Variants in EIF5 observed in about 807,000 individuals in gnomAD.
EIF5 encodes eukaryotic translation initiation factor 5.
In EIF5, 10 loss-of-function variants were observed where a neutral mutation model predicts 48.3. The observed-to-expected ratio is 0.21, with a 90% CI of 0.13 to 0.35. The LOEUF is 0.35. Among genes scored for constraint, EIF5 ranks in the 10% least tolerant of loss-of-function variants. The probability of loss-of-function intolerance (pLI) is 1.00; values close to 1 mark genes in which losing one functional copy is unlikely to be tolerated. For missense variants in EIF5, 397 were observed against 533.2 expected (o/e 0.74, Z 2.51); for synonymous variants, 237 against 173.1 (o/e 1.37, Z -2.90).
rs2089357429 is a variant in EIF5, at chr14:103,341,922, AT to A, written c.*871del. 6.5e-6 allele frequency: 1 copy of A among 152,678 alleles called. No individual in the cohort carries two copies. The highest frequency in any genetic ancestry group is 1.5e-5 in the Non-Finnish European group (1 of 68,044). The allele number at this position is 152,678 out of a possible 1,614,324, so 9.5% of individuals were successfully genotyped here. On this transcript the variant is annotated 3_prime_UTR_variant, in exon 12 of 12. Transcript: ENST00000216554. ...GGTGCACTTAACTAGCAACCTAAGC[AT>A]GATTTTTCAGCTTTTGCCCTTAGGG... is the stretch of plus-strand genomic sequence containing the variant.
rs2089278721 is a variant in EIF5, at chr14:103,335,869, C to T, written c.9C>T (p.Val3=). 4 of 1,614,054 alleles carry T rather than the reference C, an allele frequency of 2.5e-6. No homozygotes were observed. Among genetic ancestry groups the T allele is most frequent in the African/African-American group, 1.3e-5 (1 of 74,916 alleles). The change falls in exon 3 of 12, where the codon GTC becomes GTT. Residue 3 remains valine, a synonymous_variant. Coordinates refer to ENST00000216554, the MANE Select transcript of EIF5 (RefSeq NM_001969.5). ...GCCACTAATAAGCCAAAATGTCTGT[C>T]AATGTCAACCGCAGCGTGTCAGACC... MS[V]NVNRSVSDQF...
At chr14:103,336,011 C>T (rs780569455) in intron 3 of EIF5, 25 bp from the exon 4 acceptor site, 6 of 1,613,866 alleles carry the variant, frequency 3.7e-6, no homozygotes, top group Admixed American at 1.7e-5. Context: ...GGAAACTGCA[C>T]AACTAAAATT....
chr14:103,339,384 C>A, intron 9 of EIF5, 51 bp downstream of exon 9: 1 of 1,550,078 alleles, frequency 6.5e-7, no homozygotes. Context: ...GTGTGGCTTT[C>A]GAGATGGTCA....
At chr14:103,340,605 G>A (rs753725569) in intron 11 of EIF5, 44 bp downstream of exon 11, 2 of 1,573,354 alleles carry the variant, frequency 1.3e-6, no homozygotes, top group Admixed American at 1.8e-5. Flanking sequence ...TGCTGGCATG[G>A]GTGTTTGAGA....
In EIF5 at chr14:103,344,238, A is replaced by T. The variant is rs1366637049; in HGVS notation, c.*3186A>T. ...AATAGGTTGGGAGCTCAGGGTGTTTATGTCCACCTGTCTGGTCTAGCCAAA... is the reference window on the plus strand; with the variant it reads ...AATAGGTTGGGAGCTCAGGGTGTTTTTGTCCACCTGTCTGGTCTAGCCAAA... On this transcript the variant is annotated 3_prime_UTR_variant, in exon 12 of 12. Transcript: ENST00000216554. The T allele has an allele frequency of 1.3e-5, 2 of 152,160 alleles. No individual in the cohort carries two copies. The allele number at this position is 152,160 out of a possible 1,614,324, so 9.4% of individuals were successfully genotyped here.
rs2089298700 is a variant in EIF5, at chr14:103,337,321, G to C, written c.439+94G>C. Reference sequence around the variant, plus strand: ...GTTTTTTTGTAATAGGAATGTAAGGGAGACTGGGCACGGTGGCTCATGCTT... The same window carrying C: ...GTTTTTTTGTAATAGGAATGTAAGGCAGACTGGGCACGGTGGCTCATGCTT... On this transcript the variant is annotated intron_variant, in intron 6 of 11. Coordinates refer to ENST00000216554, the MANE Select transcript of EIF5 (RefSeq NM_001969.5). 5.5e-6 allele frequency: 6 copies of C among 1,086,350 alleles called. No individual in the cohort carries two copies. The East Asian group carries it at 1.5e-4, about 28-fold the overall frequency. 67.3% of individuals were successfully genotyped at this position (1,086,350 alleles called of 1,614,324 possible). A position where few individuals can be genotyped will look rare whatever the true frequency, so the allele number is the denominator to read the frequency against.
At position 103,336,821 on chromosome 14, in the gene EIF5, C is replaced by G; in HGVS notation, c.299C>G (p.Pro100Arg). The G allele has an allele frequency of 1.9e-6, 3 of 1,613,502 alleles. No individual in the cohort carries two copies. Among genetic ancestry groups the G allele is most frequent in the Non-Finnish European group, 2.5e-6 (3 of 1,179,864 alleles). The part of the protein sequence containing the change: ...DGFIKKFVLC[P>R]ECENPETDLH... ...TTCATTAAAAAATTTGTTCTCTGTCCTGAATGTGAGAATCCTGAAACAGAT... is the reference window on the plus strand; with the variant it reads ...TTCATTAAAAAATTTGTTCTCTGTCGTGAATGTGAGAATCCTGAAACAGAT... The change falls in exon 5 of 12, where the codon CCT (proline) becomes CGT (arginine). Residue 100 changes from proline to arginine, a missense_variant. Physicochemically the swap from Pro to Arg is moderately radical, Grantham distance 103. Around this residue, in one of 4 missense-constraint regions of EIF5, gnomAD observed 108 missense variants for 188.3 expected, o/e 0.57. Transcript: ENST00000216554.
At chr14:103,338,259 C>G in intron 6 of EIF5, 68 bp from the exon 7 acceptor site, 1 of 1,571,224 alleles carries the variant, frequency 6.4e-7, no homozygotes, top group Non-Finnish European at 8.6e-7. Flanking sequence ...GGGTTTTAAA[C>G]GTTAATGATG....
rs1208945278 is a variant in EIF5 at position 103,344,989 on chromosome 14, A to G, written c.*3937A>G. Reference sequence around the variant, plus strand: ...TGTAGCTCTTTGAATCTCAGAAAAAAGTAGATTTTAATAAAGTGTGAAAGT... The same window carrying G: ...TGTAGCTCTTTGAATCTCAGAAAAAGGTAGATTTTAATAAAGTGTGAAAGT... On this transcript the variant is annotated 3_prime_UTR_variant, in exon 12 of 12. Coordinates refer to ENST00000216554, the MANE Select transcript of EIF5 (RefSeq NM_001969.5). 6.6e-6 allele frequency: 1 copy of G among 152,214 alleles called. No homozygotes were observed. The allele number at this position is 152,214 out of a possible 1,614,324, so 9.4% of individuals were successfully genotyped here. A position where few individuals can be genotyped will look rare whatever the true frequency, so the allele number is the denominator to read the frequency against.
intron 5 of EIF5, 109 bp from the exon 6 acceptor site, chr14:103,337,007 C>A: frequency 7.4e-7 from 1 of 1,345,898 alleles, no homozygotes; most frequent in Non-Finnish European, 1.0e-6. Context: ...AAGTAGGTCA[C>A]TGTGTGAAAA....
At position 103,334,275 on chromosome 14, in the gene EIF5, G is replaced by A. The variant is rs898761952; in HGVS notation, c.-418+15G>A. The A allele has an allele frequency of 9.8e-5, 15 of 152,338 alleles. No homozygotes were observed. Among genetic ancestry groups the A allele is most frequent in the Admixed American group, 2.6e-4 (4 of 15,292 alleles). The allele number at this position is 152,338 out of a possible 1,614,324, so 9.4% of individuals were successfully genotyped here. On this transcript the variant is annotated intron_variant, in intron 1 of 11. Transcript: ENST00000216554. Reference sequence around the variant, plus strand: ...ACATTCCAGAGGTGAGTCCGGTGAAGGGGCGGCCCCCTGCCCGGTGCTTCC... The same window carrying A: ...ACATTCCAGAGGTGAGTCCGGTGAAAGGGCGGCCCCCTGCCCGGTGCTTCC...
intron 9 of EIF5, 50 bp from the exon 10 acceptor site, chr14:103,339,588 CA>C (rs1566722704): frequency 6.2e-7 from 1 of 1,610,532 alleles, no homozygotes; most frequent in South Asian, 1.1e-5. Flanking sequence ...ATAGAGTTGT[CA>C]ACTTAGAACA....
chr14:103,339,300 A>G lies in EIF5; in HGVS notation c.873A>G (p.Glu291=). The change falls in exon 9 of 12, where the codon GAA becomes GAG. Residue 291 remains glutamate (E), a synonymous_variant. Transcript: ENST00000216554. ...TEVLFNEKIR[E]QIKKYRRHFL... ...TTCTTTTTAATGAGAAGATTAGAGA[A>G]CAGATTAAGAAATACAGGCGCCATT... The G allele has an allele frequency of 1.2e-6, 2 of 1,602,568 alleles. No individual in the cohort carries two copies. The highest frequency in any genetic ancestry group is 1.7e-6 in the Non-Finnish European group (2 of 1,177,198).
chr14:103,340,400 T>C (rs1348417250), intron 10 of EIF5, 27 bp from the exon 11 acceptor site: 1 of 1,585,660 alleles, frequency 6.3e-7, no homozygotes, highest in African/African-American at 1.3e-5. Flanking sequence ...ATTCCTCAAC[T>C]AAGAGACTTG....
chr14:103,334,241 A>T lies in EIF5; in HGVS notation c.-437A>T, dbSNP rs935807247. 4 of 152,932 alleles carry T rather than the reference A, an allele frequency of 2.6e-5. No individual in the cohort carries two copies. The highest frequency in any genetic ancestry group is 4.4e-5 in the Non-Finnish European group (3 of 68,762). 9.5% of individuals were successfully genotyped at this position (152,932 alleles called of 1,614,324 possible). A position where few individuals can be genotyped will look rare whatever the true frequency, so the allele number is the denominator to read the frequency against. On this transcript the variant is annotated 5_prime_UTR_variant, in exon 1 of 12. Coordinates refer to ENST00000216554, the MANE Select transcript of EIF5 (RefSeq NM_001969.5). ...AGCGCGGCGGCGGCGTTGTTCAGTC[A>T]GAGCGAGAACATTCCAGAGGTGAGT...
intron 6 of EIF5, chr14:103,337,702 G>A (rs1357124414): frequency 2.6e-6 from 1 of 382,170 alleles, no homozygotes; most frequent in Non-Finnish European, 5.1e-6. Flanking sequence ...TGAAAAATAG[G>A]CTGCCAATTA....
chr14:103,336,881 G>C, intron 5 of EIF5, 32 bp downstream of exon 5: 1 of 1,590,272 alleles, frequency 6.3e-7, no homozygotes, highest in Non-Finnish European at 8.6e-7. Context: ...GAAAGAAAAA[G>C]CCATATACCT....
intron 9 of EIF5, 137 bp from the exon 10 acceptor site, chr14:103,339,502 C>T (rs1012464421): frequency 3.6e-5 from 52 of 1,427,860 alleles, no homozygotes; most frequent in Admixed American, 5.9e-5. Context: ...TACAAAGTAA[C>T]AGGGATGTTT....
At chr14:103,334,922 G>T (rs2089265469) in intron 2 of EIF5, 1 of 152,196 alleles carries the variant, frequency 6.6e-6, no homozygotes, top group Non-Finnish European at 1.5e-5. Context: ...GCACCCTCCG[G>T]GGCCGCCGGC....
Sources: allele counts gnomAD v4.1 joint callset, GRCh38; gene constraint gnomAD v4.1.1; regional missense constraint gnomAD v4.1.1; transcripts MANE v1.5; gene names NCBI Gene and HGNC (gene_info 2026-07-23, HGNC 2026-07-21).